The following ITPR2 variants were observed in gnomAD, a reference collection of about 807,000 sequenced individuals.
ITPR2 encodes inositol 1,4,5-trisphosphate-gated calcium channel ITPR2.
Under a neutral mutation model 317.1 loss-of-function variants are expected in ITPR2, and 207 were observed. That is an observed-to-expected ratio of 0.65 (90% CI 0.58 to 0.73). The LOEUF (loss-of-function observed/expected upper bound fraction) is 0.73, where lower values mean the gene tolerates loss of function less well. Among genes scored for constraint, ITPR2 ranks in the 30% least tolerant of loss-of-function variants. The probability of loss-of-function intolerance (pLI) is 0.00; values close to 1 mark genes in which losing one functional copy is unlikely to be tolerated. For synonymous variants in ITPR2, 1,156 were observed against 1,149.1 expected (o/e 1.01, Z -0.12); for missense variants, 2,613 against 3,284.0 (o/e 0.80, Z 4.99).
intron 5 of ITPR2, among the ~76,000 whole-genome samples, chr12:26,720,385 T>C (rs1390332343): frequency 6.6e-6 from 1 of 152,212 alleles, no homozygotes; most frequent in Non-Finnish European, 1.5e-5. Flanking sequence ...TCTAATTTAA[T>C]GTGTTTTTAA....
chr12:26,705,592 C>G (rs897555017), intron 9 of ITPR2, among the ~76,000 whole-genome samples: 1 of 152,194 alleles, frequency 6.6e-6, no homozygotes, highest in African/African-American at 2.4e-5. Flanking sequence ...TTGAAATCTT[C>G]CCTAGTGGAC....
In ITPR2 at chr12:26,495,315, A is replaced by C. The variant is rs1039440474; in HGVS notation, c.5074-55T>G. 8.3e-6 allele frequency: 8 copies of C among 959,948 alleles called. No homozygotes were observed. In the African/African-American group the frequency reaches 1.3e-4, roughly 16 times the overall value. The allele number at this position is 959,948 out of a possible 1,614,324, so 59.5% of individuals were successfully genotyped here. ...TTCCCTTTTCTAATAAAAGTGAAAA[A>C]TGTCAGTATGTTAAATGCTTTAAAT... On this transcript the variant is annotated intron_variant, in intron 37 of 56. Transcript: ENST00000381340.
chr12:26,600,951 T>A (rs1945986217), intron 28 of ITPR2, among the ~76,000 whole-genome samples: 1 of 152,120 alleles, frequency 6.6e-6, no homozygotes, highest in Non-Finnish European at 1.5e-5. Flanking sequence ...TTCTCTTCTA[T>A]TTTCTCCTCC....
intron 55 of ITPR2, among the ~76,000 whole-genome samples, chr12:26,366,877 G>C (rs1007122365): frequency 6.6e-6 from 1 of 152,168 alleles, no homozygotes; most frequent in African/African-American, 2.4e-5. Flanking sequence ...GAAGAGAAGA[G>C]AGCATGAGCT....
intron 45 of ITPR2, among the ~76,000 whole-genome samples, chr12:26,471,968 C>T (rs1459131351): frequency 6.6e-6 from 1 of 152,188 alleles, no homozygotes; most frequent in Non-Finnish European, 1.5e-5. Flanking sequence ...AACTTGGAAA[C>T]AATCTTAGGG....
intron 10 of ITPR2, among the ~76,000 whole-genome samples, chr12:26,693,427 C>A (rs534943730): frequency 6.5e-4 from 99 of 152,256 alleles, no homozygotes; most frequent in African/African-American, 2.3e-3. Flanking sequence ...ATGTAGTCAA[C>A]CCTCGGTATC....
chr12:26,663,889 G>T (rs1211852098), intron 14 of ITPR2, 43 bp from the exon 15 acceptor site: 6 of 1,487,328 alleles, frequency 4.0e-6, no homozygotes, highest in Admixed American at 2.3e-5. Context: ...TGAATAAAAT[G>T]TTTTGCAACC....
At chr12:26,548,031 A>G (rs1414177246) in intron 37 of ITPR2, among the ~76,000 whole-genome samples, 1 of 152,238 alleles carries the variant, frequency 6.6e-6, no homozygotes, top group East Asian at 1.9e-4. Context: ...CCTCAGTCAA[A>G]TCACATCACC....
rs573171770 is a variant in ITPR2, at chr12:26,549,609, T to C, written c.5073+638A>G. ...AAAAATTCTCTAGATTTATACTTTA[T>C]ATTTAAGTGTATCACCTTGGGTATC... On this transcript the variant is annotated intron_variant, in intron 37 of 56. Transcript: ENST00000381340. Among the ~76,000 whole-genome samples the C allele has an allele frequency of 3.3e-5, 5 of 152,260 alleles. No individual in the cohort carries two copies. In the South Asian group the frequency reaches 1.0e-3, roughly 32 times the overall value.
rs565261441 is a variant in ITPR2 at position 26,667,404 on chromosome 12, T to C, written c.1410-1353A>G. Among the ~76,000 whole-genome samples the C allele has an allele frequency of 1.6e-3, 251 of 152,344 alleles. 6 individuals are homozygous for C. In the South Asian group the frequency reaches 0.051, roughly 31 times the overall value. On this transcript the variant is annotated intron_variant, in intron 13 of 56. Transcript: ENST00000381340. ...CCATTCCAAAATTCCTGGGATTCTA[T>C]GTTTTCTTGGTATGCCTATTTTAAA...
chr12:26,365,227 G>A (rs1938969005), intron 55 of ITPR2, among the ~76,000 whole-genome samples: 1 of 152,116 alleles, frequency 6.6e-6, no homozygotes, highest in East Asian at 1.9e-4. Context: ...AATGAACGGT[G>A]TCACTACAAA....
rs1406226752 is a variant in ITPR2, at chr12:26,486,265, C to A, written c.5650G>T (p.Glu1884Ter). ...ATAATGTCTATTTCTGGATCCATTT[C>A]TCTTCTGTATACACAATATGCTTTG... is the stretch of plus-strand genomic sequence containing the variant. ...TSKAYCVYRR[E>*]MDPEIDIMCT... Residue 1884 changes from glutamate (E) to a stop codon, truncating the protein, a stop_gained, in exon 41 of 57, where the codon GAA becomes TAA. Coordinates refer to ENST00000381340, the MANE Select transcript of ITPR2 (RefSeq NM_002223.4). LOFTEE classifies it high-confidence loss of function. The A allele has an allele frequency of 1.9e-6, 3 of 1,614,146 alleles. No individual in the cohort carries two copies. The Admixed American group carries it at 5.0e-5, about 27-fold the overall frequency.
At chr12:26,406,306 G>T (rs1940346663) in intron 52 of ITPR2, among the ~76,000 whole-genome samples, 1 of 151,304 alleles carries the variant, frequency 6.6e-6, no homozygotes, top group Admixed American at 6.6e-5. Context: ...ACATTCGAAT[G>T]ATTTTTACTT....
At chr12:26,344,879 C>T (rs76912701) in intron 55 of ITPR2, among the ~76,000 whole-genome samples, 21,414 of 152,174 alleles carry the variant, frequency 0.14, 1,628 homozygotes, top group East Asian at 0.22. Flanking sequence ...GTCCTGTCAT[C>T]TTTTCTCTTC....
Position 26,680,631 on chromosome 12 carries a change from G to A in ITPR2, c.1409+1243C>T, listed in dbSNP as rs200625804. The stretch of plus-strand genomic sequence containing the variant: ...TTTGTTACCTGATTTATCAGAGAAT[G>A]TTGTGTCTAGTTTTCACCCAATCCA... On this transcript the variant is annotated intron_variant, in intron 13 of 56. Coordinates refer to ENST00000381340, the MANE Select transcript of ITPR2 (RefSeq NM_002223.4). Among the ~76,000 whole-genome samples, 25 of 152,270 alleles carry A rather than the reference G, an allele frequency of 1.6e-4. No homozygotes were observed. The East Asian group carries it at 4.6e-3, about 28-fold the overall frequency.
At chr12:26,674,938 A>C (rs1157041429) in intron 13 of ITPR2, among the ~76,000 whole-genome samples, 1 of 151,976 alleles carries the variant, frequency 6.6e-6, no homozygotes, top group African/African-American at 2.4e-5. Flanking sequence ...CAAAAAACAC[A>C]TGAAAAAATG....
chr12:26,819,847 A>C lies in ITPR2; in HGVS notation c.92+12843T>G, dbSNP rs1483879315. ...TTTGGGAGGCCGAGGCAGGCGGATC[A>C]CTTGAGGCCAGTAGGTTGAGACCTG... On this transcript the variant is annotated intron_variant, in intron 1 of 56. Coordinates refer to ENST00000381340, the MANE Select transcript of ITPR2 (RefSeq NM_002223.4). 2.0e-5 allele frequency among the ~76,000 whole-genome samples: 3 copies of C among 152,078 alleles called. No homozygotes were observed. The East Asian group carries it at 5.8e-4, about 29-fold the overall frequency.
At chr12:26,460,753 C>A in intron 45 of ITPR2, among the ~76,000 whole-genome samples, 1 of 152,204 alleles carries the variant, frequency 6.6e-6, no homozygotes, top group Non-Finnish European at 1.5e-5. Flanking sequence ...TGATGCACTA[C>A]AACTTGAGAA....
At chr12:26,381,781 C>G (rs1199749670) in intron 55 of ITPR2, among the ~76,000 whole-genome samples, 1 of 152,192 alleles carries the variant, frequency 6.6e-6, no homozygotes, top group East Asian at 1.9e-4. Flanking sequence ...GGTGGCCATC[C>G]AGGTCTCACT....
Sources: allele counts gnomAD v4.1 joint callset (sites outside exome capture counted in the v4.1 genomes callset), GRCh38; gene constraint gnomAD v4.1.1; transcripts MANE v1.5; gene names NCBI Gene and HGNC (gene_info 2026-07-23, HGNC 2026-07-21).